The following CCDC127 variants were observed in gnomAD, a reference collection of about 807,000 sequenced individuals.
CCDC127 encodes coiled-coil domain containing 127.
A neutral mutation model predicts 4.1 loss-of-function variants in CCDC127; 2 were observed. That is an observed-to-expected ratio of 0.49 (90% confidence interval 0.20 to 1.53). The LOEUF (loss-of-function observed/expected upper bound fraction) is 1.53. Ranked by LOEUF, CCDC127 falls within the 40% of genes most tolerant of loss-of-function variation. The pLI, the probability that CCDC127 is intolerant of heterozygous loss-of-function variation, is 0.23. For synonymous variants in CCDC127, 98 were observed against 120.4 expected, an observed-to-expected ratio of 0.81 and a Z score of 1.22; for missense variants, 271 against 322.9, an observed-to-expected ratio of 0.84 and a Z score of 1.23.
rs1382455080 is a variant in CCDC127 at position 204,435 on chromosome 5, C to T, written c.*862G>A. On this transcript the variant is annotated 3_prime_UTR_variant, in exon 3 of 3. Transcript: ENST00000296824. ...GTGACATGGGGTGATAAGTGCCTGT[C>T]TACCTTGTTGGCTGTGGTAAACAAT... 2 of 152,238 alleles carry T rather than the reference C, an allele frequency of 1.3e-5. No individual in the cohort carries two copies. The highest frequency in any genetic ancestry group is 4.8e-5 in the African/African-American group (2 of 41,448). 9.4% of individuals were successfully genotyped at this position (152,238 alleles called of 1,614,324 possible).
intron 2 of CCDC127, among the ~76,000 whole-genome samples, chr5:210,250 T>A (rs76024839): frequency 1.3e-5 from 2 of 152,314 alleles, no homozygotes; most frequent in Non-Finnish European, 2.9e-5. Context: ...TTCTTAGACT[T>A]TCCACAAAAA....
chr5:204,563 A>G lies in CCDC127; in HGVS notation c.*734T>C, dbSNP rs967687179. On this transcript the variant is annotated 3_prime_UTR_variant, in exon 3 of 3. Coordinates refer to ENST00000296824, the MANE Select transcript of CCDC127 (RefSeq NM_145265.3). ...GTATTTTGAGTATATATCATTGCTA[A>G]TAAGTATCTGCTTGCTGAATACAGA... is the stretch of plus-strand genomic sequence containing the variant. The G allele has an allele frequency of 1.3e-5, 2 of 152,248 alleles. No individual in the cohort carries two copies. Among genetic ancestry groups the G allele is most frequent in the African/African-American group, 2.4e-5 (1 of 41,452 alleles). The allele number at this position is 152,248 out of a possible 1,614,324, so 9.4% of individuals were successfully genotyped here.
intron 2 of CCDC127, among the ~76,000 whole-genome samples, chr5:207,122 G>A (rs974336184): frequency 6.6e-6 from 1 of 152,096 alleles, no homozygotes; most frequent in African/African-American, 2.4e-5. Flanking sequence ...GGTCATTAAT[G>A]GTCACCTTTG....
intron 2 of CCDC127, among the ~76,000 whole-genome samples, chr5:213,135 C>T (rs1232696705): frequency 1.6e-4 from 10 of 62,766 alleles, no homozygotes; most frequent in African/African-American, 4.7e-4. Flanking sequence ...ACACCCATCA[C>T]GATGGGGCAG....
At chr5:208,064 G>A (rs1386649338) in intron 2 of CCDC127, among the ~76,000 whole-genome samples, 1 of 152,186 alleles carries the variant, frequency 6.6e-6, no homozygotes, top group Non-Finnish European at 1.5e-5. Flanking sequence ...AGGAAAACCT[G>A]AATTCCGAGT....
At chr5:208,334 C>G (rs1182651849) in intron 2 of CCDC127, among the ~76,000 whole-genome samples, 1 of 152,176 alleles carries the variant, frequency 6.6e-6, no homozygotes. Context: ...ATACTTGGAG[C>G]TGAAGACACA....
Position 204,264 on chromosome 5 carries a change from C to T in CCDC127, c.*1033G>A, listed in dbSNP as rs967802157. 3 of 152,300 alleles carry T rather than the reference C, an allele frequency of 2.0e-5. No individual in the cohort carries two copies. The highest frequency in any genetic ancestry group is 7.2e-5 in the African/African-American group (3 of 41,454). 9.4% of individuals were successfully genotyped at this position (152,300 alleles called of 1,614,324 possible). ...TGCTGAGTCCAACCCTGTGCTGAGT[C>T]CTGTGAGATCTCCCAGCAGGTCACG... On this transcript the variant is annotated 3_prime_UTR_variant, in exon 3 of 3. Coordinates refer to ENST00000296824, the MANE Select transcript of CCDC127 (RefSeq NM_145265.3).
rs9687285 is a variant in CCDC127, at chr5:204,458, A to C, written c.*839T>G. 6.6e-6 allele frequency: 1 copy of C among 152,188 alleles called. No homozygotes were observed. Among genetic ancestry groups the C allele is most frequent in the South Asian group, 2.1e-4 (1 of 4,834 alleles). 9.4% of individuals were successfully genotyped at this position (152,188 alleles called of 1,614,324 possible). A position where few individuals can be genotyped will look rare whatever the true frequency, so the allele number is the denominator to read the frequency against. On this transcript the variant is annotated 3_prime_UTR_variant, in exon 3 of 3. Transcript: ENST00000296824. ...GTCTACCTTGTTGGCTGTGGTAAAC[A>C]ATGAGATAATACATATAAAAATATT...
rs142757569 is a variant in CCDC127 at position 198,753 on chromosome 5, G to A, written c.*6544C>T. 1.3e-4 allele frequency: 20 copies of A among 152,454 alleles called. No individual in the cohort carries two copies. The highest frequency in any genetic ancestry group is 4.8e-4 in the African/African-American group (20 of 41,572). 9.4% of individuals were successfully genotyped at this position (152,454 alleles called of 1,614,324 possible). Reference sequence around the variant, plus strand: ...GGTCTTTGTCCTCGCCCAATCTTGTGACTCCAGTCCTGGGTCGCATGGCGT... The same window carrying A: ...GGTCTTTGTCCTCGCCCAATCTTGTAACTCCAGTCCTGGGTCGCATGGCGT... On this transcript the variant is annotated 3_prime_UTR_variant, in exon 3 of 3. Coordinates refer to ENST00000296824, the MANE Select transcript of CCDC127 (RefSeq NM_145265.3).
rs1033773618 is a variant in CCDC127 at position 198,935 on chromosome 5, C to T, written c.*6362G>A. 2 of 152,304 alleles carry T rather than the reference C, an allele frequency of 1.3e-5. No individual in the cohort carries two copies. Among genetic ancestry groups the T allele is most frequent in the African/African-American group, 4.8e-5 (2 of 41,474 alleles). 9.4% of individuals were successfully genotyped at this position (152,304 alleles called of 1,614,324 possible). On this transcript the variant is annotated 3_prime_UTR_variant, in exon 3 of 3. Transcript: ENST00000296824. ...CAGCAGGTGAGAGTGCTGATCCAAC[C>T]CAGCAAACATCCATGGTGGCTGTAG... is the stretch of plus-strand genomic sequence containing the variant.
Position 202,562 on chromosome 5 carries a change from C to A in CCDC127, c.*2735G>T, listed in dbSNP as rs1022321558. On this transcript the variant is annotated 3_prime_UTR_variant, in exon 3 of 3. Coordinates refer to ENST00000296824, the MANE Select transcript of CCDC127 (RefSeq NM_145265.3). ...ATTGTGCCACTGCACTCCCGCCTGG[C>A]AACAGAACGAGACTGTCTCAAAAAA... 2 of 151,382 alleles carry A rather than the reference C, an allele frequency of 1.3e-5. No individual in the cohort carries two copies. Among genetic ancestry groups the A allele is most frequent in the African/African-American group, 4.9e-5 (2 of 40,688 alleles). 9.4% of individuals were successfully genotyped at this position (151,382 alleles called of 1,614,324 possible). A position where few individuals can be genotyped will look rare whatever the true frequency, so the allele number is the denominator to read the frequency against.
rs1261923162 is a variant in CCDC127, at chr5:198,104, A to G, written c.*7193T>C. 6.6e-6 allele frequency: 1 copy of G among 152,360 alleles called. No homozygotes were observed. Among genetic ancestry groups the G allele is most frequent in the Non-Finnish European group, 1.5e-5 (1 of 68,184 alleles). The allele number at this position is 152,360 out of a possible 1,614,324, so 9.4% of individuals were successfully genotyped here. On this transcript the variant is annotated 3_prime_UTR_variant, in exon 3 of 3. Coordinates refer to ENST00000296824, the MANE Select transcript of CCDC127 (RefSeq NM_145265.3). ...GGGTTGTAGGGGTTGGGTACCCAGC[A>G]TGAGTGCCGTACAGGAGCCTGCCTC...
intron 2 of CCDC127, among the ~76,000 whole-genome samples, chr5:210,783 G>A (rs1258983543): frequency 2.2e-5 from 3 of 134,212 alleles, no homozygotes; most frequent in Non-Finnish European, 3.1e-5. Context: ...CTGCAGCCAC[G>A]ACGAGACAGC....
Position 205,213 on chromosome 5 carries a change from C to T in CCDC127, c.*84G>A, listed in dbSNP as rs961923882. 93 of 1,289,928 alleles carry T rather than the reference C, an allele frequency of 7.2e-5. No homozygotes were observed. Among genetic ancestry groups the T allele is most frequent in the Non-Finnish European group, 8.4e-5 (78 of 924,428 alleles). The allele number at this position is 1,289,928 out of a possible 1,614,324, so 79.9% of individuals were successfully genotyped here. A position where few individuals can be genotyped will look rare whatever the true frequency, so the allele number is the denominator to read the frequency against. On this transcript the variant is annotated 3_prime_UTR_variant, in exon 3 of 3. Coordinates refer to ENST00000296824, the MANE Select transcript of CCDC127 (RefSeq NM_145265.3). Reference sequence around the variant, plus strand: ...CGGTGTGGCCATGACACGGGCAGCACGGGAACGGAAGACGCCGGAGACCCA... The same window carrying T: ...CGGTGTGGCCATGACACGGGCAGCATGGGAACGGAAGACGCCGGAGACCCA...
rs1734226178 is a variant in CCDC127 at position 208,774 on chromosome 5, GA to G, written c.122-2817del. On this transcript the variant is annotated intron_variant, in intron 2 of 2. Coordinates refer to ENST00000296824, the MANE Select transcript of CCDC127 (RefSeq NM_145265.3). Reference sequence around the variant, plus strand: ...CTTCCCCTGCCAGGGCGCCATTCAAGAAAGCCAGCTAAGACCGAAGGTTTAA... The same window carrying G: ...CTTCCCCTGCCAGGGCGCCATTCAAGAAGCCAGCTAAGACCGAAGGTTTAA... 3.3e-5 allele frequency among the ~76,000 whole-genome samples: 5 copies of G among 152,356 alleles called. No individual in the cohort carries two copies. In the South Asian group the frequency reaches 1.0e-3, roughly 32 times the overall value.
intron 2 of CCDC127, 34 bp from the exon 3 acceptor site, chr5:205,992 A>G: frequency 1.3e-6 from 2 of 1,557,792 alleles, no homozygotes; most frequent in Non-Finnish European, 1.7e-6. Flanking sequence ...ACATAATGAA[A>G]AAGTTAGGGC....
rs1311317386 is a variant in CCDC127, at chr5:201,415, TTC to T, written c.*3880_*3881del. ...GTTACACATTTTAATTAGACATAAC[TTC>T]TCTTTGAAAGAACACACAGATCATT... On this transcript the variant is annotated 3_prime_UTR_variant, in exon 3 of 3. Coordinates refer to ENST00000296824, the MANE Select transcript of CCDC127 (RefSeq NM_145265.3). The T allele has an allele frequency of 2.6e-5, 4 of 152,216 alleles. No individual in the cohort carries two copies. Among genetic ancestry groups the T allele is most frequent in the Non-Finnish European group, 4.4e-5 (3 of 68,032 alleles). The allele number at this position is 152,216 out of a possible 1,614,324, so 9.4% of individuals were successfully genotyped here. A position where few individuals can be genotyped will look rare whatever the true frequency, so the allele number is the denominator to read the frequency against.
intron 2 of CCDC127, chr5:215,267 A>G (rs1734358335): frequency 1.4e-5 from 2 of 140,558 alleles, no homozygotes; most frequent in Non-Finnish European, 3.0e-5. Context: ...CTACCTCAGC[A>G]AAAAACCAGG....
intron 1 of CCDC127, 54 bp downstream of exon 1, chr5:218,039 G>C: frequency 3.8e-5 from 39 of 1,032,904 alleles, no homozygotes; most frequent in Non-Finnish European, 4.6e-5. Context: ...AACCACCCAC[G>C]GGGCTTTAAA....
Sources: allele counts gnomAD v4.1 joint callset (sites outside exome capture counted in the v4.1 genomes callset), GRCh38; gene constraint gnomAD v4.1.1; transcripts MANE v1.5; gene names NCBI Gene and HGNC (gene_info 2026-07-23, HGNC 2026-07-21).